MTCL3: variants seen among roughly 807,000 people sequenced by gnomAD.
MTCL3 encodes the protein MTCL family member 3.
chr6:127,497,558 G>A, the MTCL3 span, among the ~76,000 whole-genome samples: 1 of 152,264 alleles, frequency 6.6e-6, no homozygotes, highest in Admixed American at 6.5e-5. Context: ...TGCTGCAGTA[G>A]CAGCCTTTCC....
At chr6:127,487,228 C>T in the MTCL3 span, among the ~76,000 whole-genome samples, 18 of 152,066 alleles carry the variant, frequency 1.2e-4, no homozygotes, top group African/African-American at 4.3e-4. Flanking sequence ...ACTGTTACTT[C>T]GACAGAAAAA....
chr6:127,475,181 G>C, the MTCL3 span: 412,481 of 1,190,244 alleles, frequency 0.35, 76,805 homozygotes, highest in Non-Finnish European at 0.39. This position sits in a 1 kb window ranked among gnomAD's most constrained non-coding sequence, Gnocchi z 7.3. Context: ...GCCCTGAGCG[G>C]GGGCTTCCCT....
chr6:127,479,015 T>TAAA, the MTCL3 span, among the ~76,000 whole-genome samples: 3 of 52,300 alleles, frequency 5.7e-5, no homozygotes, highest in African/African-American at 7.5e-5. Context: ...AGACTCCATC[T>TAAA]AAAAAAAAAA....
chr6:127,490,071 A>G, the MTCL3 span, among the ~76,000 whole-genome samples: 1 of 152,202 alleles, frequency 6.6e-6, no homozygotes, highest in Non-Finnish European at 1.5e-5. Context: ...TTTAAGTTGA[A>G]ACCAATGCTC....
chr6:127,515,359 G>A, the MTCL3 span, among the ~76,000 whole-genome samples: 86,419 of 151,246 alleles, frequency 0.57, 25,971 homozygotes, highest in African/African-American at 0.66. The surrounding 1 kb of genome is among the most constrained non-coding windows in gnomAD (Gnocchi z 4.3). Context: ...TCAAATTCCG[G>A]CAAGGCCTAG....
At chr6:127,513,029 C>G in the MTCL3 span, 7 of 1,610,754 alleles carry the variant, frequency 4.3e-6, no homozygotes, top group African/African-American at 9.4e-5. Flanking sequence ...GGTGAAGTCT[C>G]ACAGATACAT....
the MTCL3 span, among the ~76,000 whole-genome samples, chr6:127,489,039 T>C: frequency 6.6e-6 from 1 of 152,230 alleles, no homozygotes; most frequent in Admixed American, 6.5e-5. Context: ...TTGTGGAAAC[T>C]CTGCATTGAG....
chr6:127,512,532 T>A, the MTCL3 span, among the ~76,000 whole-genome samples: 8 of 152,192 alleles, frequency 5.3e-5, no homozygotes, highest in Non-Finnish European at 1.0e-4. Flanking sequence ...GTAAGTAATC[T>A]CATGGGGCTA....
the MTCL3 span, among the ~76,000 whole-genome samples, chr6:127,510,618 A>C: frequency 6.6e-6 from 1 of 152,206 alleles, no homozygotes; most frequent in Non-Finnish European, 1.5e-5. Context: ...CATGACACCA[A>C]ATTACAAGGC....
the MTCL3 span, chr6:127,512,977 C>T: frequency 1.2e-6 from 2 of 1,611,848 alleles, no homozygotes; most frequent in Non-Finnish European, 1.7e-6. Flanking sequence ...TCATTTTCAT[C>T]TTCTGTTGTT....
At chr6:127,483,840 C>G in the MTCL3 span, among the ~76,000 whole-genome samples, 98,970 of 152,064 alleles carry the variant, frequency 0.65, 32,376 homozygotes, top group East Asian at 0.74. Context: ...CCATATACTA[C>G]ACATTGAGGG....
At chr6:127,480,129 A>T in the MTCL3 span, among the ~76,000 whole-genome samples, 6 of 152,236 alleles carry the variant, frequency 3.9e-5, no homozygotes, top group African/African-American at 1.4e-4. Context: ...ATGATGATGA[A>T]GGCCAGTAAG....
At chr6:127,482,855 G>T in the MTCL3 span, 1 of 1,271,014 alleles carries the variant, frequency 7.9e-7, no homozygotes, top group South Asian at 1.5e-5. This position sits in a 1 kb window ranked among gnomAD's most constrained non-coding sequence, Gnocchi z 4.1. Context: ...AATGTAGTTT[G>T]TGATTATATA....
At chr6:127,517,079 A>G in the MTCL3 span, among the ~76,000 whole-genome samples, 3 of 152,158 alleles carry the variant, frequency 2.0e-5, no homozygotes, top group African/African-American at 7.2e-5. Context: ...AGAGTTGTCA[A>G]CTCTGCTTTT....
chr6:127,492,224 G>A, the MTCL3 span, among the ~76,000 whole-genome samples: 4 of 152,130 alleles, frequency 2.6e-5, no homozygotes, highest in Non-Finnish European at 4.4e-5. Context: ...ACAGAATTAT[G>A]AGCCACATAA....
chr6:127,475,258 G>A, the MTCL3 span: 2 of 1,548,962 alleles, frequency 1.3e-6, no homozygotes, highest in Admixed American at 1.8e-5. This position sits in a 1 kb window ranked among gnomAD's most constrained non-coding sequence, Gnocchi z 7.3. Context: ...GGCCAGCCTG[G>A]CCACCGCCGT....
chr6:127,473,024 A>T, the MTCL3 span: 270 of 923,108 alleles, frequency 2.9e-4, 2 homozygotes, highest in African/African-American at 4.5e-3. Context: ...AAACAGGATG[A>T]AAAAAAGAAG....
At chr6:127,478,832 T>G in the MTCL3 span, among the ~76,000 whole-genome samples, 10 of 151,776 alleles carry the variant, frequency 6.6e-5, no homozygotes, top group African/African-American at 2.4e-4. Context: ...GCCTGGCTAA[T>G]AGGGTGAAAC....
At chr6:127,478,026 A>C in the MTCL3 span, among the ~76,000 whole-genome samples, 1 of 152,192 alleles carries the variant, frequency 6.6e-6, no homozygotes, top group African/African-American at 2.4e-5. Context: ...ACTTTCCTCT[A>C]GGAGAGGTTT....
Sources: allele counts gnomAD v4.1 joint callset (sites outside exome capture counted in the v4.1 genomes callset), GRCh38; gene constraint gnomAD v4.1.1; non-coding constraint Gnocchi (gnomAD v3.1); transcripts MANE v1.5; gene names NCBI Gene and HGNC (gene_info 2026-07-23, HGNC 2026-07-21).